PTPRN2: variants seen among roughly 807,000 people sequenced by gnomAD.
The protein encoded by PTPRN2 is protein tyrosine phosphatase receptor type N2.
A neutral mutation model predicts 118.8 loss-of-function variants in PTPRN2; 74 were observed. The observed-to-expected ratio is 0.62, with a 90% CI of 0.52 to 0.76. PTPRN2 has a LOEUF of 0.76. PTPRN2 is among the 30% of genes least tolerant of loss of function. The pLI, the probability that PTPRN2 is intolerant of heterozygous loss-of-function variation, is 0.00. For synonymous variants in PTPRN2, 641 were observed against 608.0 expected (o/e 1.05, Z -0.80); for missense variants, 1,481 against 1,394.4 (o/e 1.06, Z -0.99).
chr7:157,622,324 C>T lies in PTPRN2; in HGVS notation c.2197-815G>A, dbSNP rs547673546. Among the ~76,000 whole-genome samples, 20 of 152,008 alleles carry T rather than the reference C, an allele frequency of 1.3e-4. No homozygotes were observed. Among genetic ancestry groups the T allele is most frequent in the African/African-American group, 3.6e-4 (15 of 41,468 alleles). The stretch of plus-strand genomic sequence containing the variant: ...GACACAGGTTCCAAGTGTGTCCACA[C>T]GAGAAAATAAAGCATGCATGTGTAC... On this transcript the variant is annotated intron_variant, in intron 14 of 22. Coordinates refer to ENST00000389418, the MANE Select transcript of PTPRN2 (RefSeq NM_002847.5). The surrounding 1 kb of genome is among the most constrained non-coding windows in gnomAD (Gnocchi z 5.3).
intron 1 of PTPRN2, among the ~76,000 whole-genome samples, chr7:158,552,349 G>A (rs899713561): frequency 2.0e-5 from 3 of 152,252 alleles, no homozygotes; most frequent in Non-Finnish European, 4.4e-5. Flanking sequence ...CATTTGGGGG[G>A]CCCCAGCTCC....
intron 1 of PTPRN2, among the ~76,000 whole-genome samples, chr7:158,543,512 A>G (rs1826117412): frequency 6.6e-6 from 1 of 152,230 alleles, no homozygotes; most frequent in Non-Finnish European, 1.5e-5. Flanking sequence ...ATGTAATTCA[A>G]AAACAGCATT....
chr7:158,057,463 G>A (rs1329027302), intron 11 of PTPRN2, among the ~76,000 whole-genome samples: 4 of 152,150 alleles, frequency 2.6e-5, no homozygotes, highest in East Asian at 1.9e-4. Flanking sequence ...GTCACAGACC[G>A]AGCAGGTACA....
chr7:158,260,259 C>G (rs997438010), intron 3 of PTPRN2, among the ~76,000 whole-genome samples: 1 of 152,206 alleles, frequency 6.6e-6, no homozygotes, highest in Non-Finnish European at 1.5e-5. Context: ...GGCCAGGATG[C>G]CGCCCTAGGC....
intron 1 of PTPRN2, among the ~76,000 whole-genome samples, chr7:158,568,771 C>T (rs978072666): frequency 6.6e-6 from 1 of 151,540 alleles, no homozygotes; most frequent in Non-Finnish European, 1.5e-5. Context: ...ATGTGTGTAA[C>T]TAAAAATGTT....
intron 11 of PTPRN2, among the ~76,000 whole-genome samples, chr7:157,914,853 T>A (rs1798307837): frequency 6.6e-6 from 1 of 152,196 alleles, no homozygotes; most frequent in Non-Finnish European, 1.5e-5. Context: ...TTCAATTTAT[T>A]TGTCTCTGTG....
At chr7:157,818,584 G>A (rs1176485763) in intron 12 of PTPRN2, among the ~76,000 whole-genome samples, 2 of 152,078 alleles carry the variant, frequency 1.3e-5, no homozygotes, top group Non-Finnish European at 2.9e-5. Context: ...CCACGACACC[G>A]AGGCCCCCAG....
chr7:158,204,981 C>A (rs17847433), intron 4 of PTPRN2, among the ~76,000 whole-genome samples, 190 bp downstream of exon 4: 26,528 of 152,180 alleles, frequency 0.17, 2,544 homozygotes, highest in Non-Finnish European at 0.22. Context: ...ACTGGAGGGT[C>A]ACCCCAATAT....
At chr7:158,070,902 GTGGAGGTGCCCATGGTGC>G (rs1811321985) in intron 11 of PTPRN2, among the ~76,000 whole-genome samples, 1 of 135,708 alleles carries the variant, frequency 7.4e-6, no homozygotes, top group East Asian at 2.2e-4. Flanking sequence ...GCCCATGGTA[GTGGAGGTGCCCATGGTGC>G]TGGAGGTGCT....
chr7:158,198,472 G>C (rs1218764993), intron 4 of PTPRN2, among the ~76,000 whole-genome samples: 1 of 152,220 alleles, frequency 6.6e-6, no homozygotes, highest in Non-Finnish European at 1.5e-5. Context: ...TTGTCACCCA[G>C]TTTGTTAAAG....
intron 2 of PTPRN2, among the ~76,000 whole-genome samples, chr7:158,457,763 A>C (rs2464334): frequency 0.04 from 3,204 of 80,940 alleles, 6 homozygotes; most frequent in East Asian, 0.063. Flanking sequence ...GCCTGCGGGA[A>C]CACAGCGGAT....
intron 9 of PTPRN2, among the ~76,000 whole-genome samples, chr7:158,131,831 T>C (rs1035989410): frequency 7.0e-6 from 1 of 142,288 alleles, no homozygotes; most frequent in Non-Finnish European, 1.5e-5. Flanking sequence ...AATACACACA[T>C]CTACCCAACA....
intron 12 of PTPRN2, among the ~76,000 whole-genome samples, chr7:157,688,901 A>C (rs922788040): frequency 9.2e-5 from 14 of 151,500 alleles, no homozygotes; most frequent in African/African-American, 3.2e-4. Context: ...ATCAGGCCCC[A>C]GCGCCGGACA....
In PTPRN2 at chr7:157,736,187, C is replaced by T. The variant is rs556367330; in HGVS notation, c.1789-53250G>A. Among the ~76,000 whole-genome samples, 3 of 152,336 alleles carry T rather than the reference C, an allele frequency of 2.0e-5. No individual in the cohort carries two copies. In the South Asian group the frequency reaches 6.2e-4, roughly 32 times the overall value. On this transcript the variant is annotated intron_variant, in intron 12 of 22. Transcript: ENST00000389418. Reference sequence around the variant, plus strand: ...CCGAGAACCTTCCCTTTCCCACCACCATTCAAAGGAGGCTGCTCTTAGCCA... The same window carrying T: ...CCGAGAACCTTCCCTTTCCCACCACTATTCAAAGGAGGCTGCTCTTAGCCA...
intron 5 of PTPRN2, among the ~76,000 whole-genome samples, chr7:158,184,561 C>T (rs1318323437): frequency 6.6e-6 from 1 of 152,144 alleles, no homozygotes; most frequent in Non-Finnish European, 1.5e-5. Flanking sequence ...ATTGCACTGG[C>T]TAAGATCTTC....
chr7:157,571,398 G>C (rs537031966), intron 20 of PTPRN2, 42 bp downstream of exon 20: 3 of 1,484,586 alleles, frequency 2.0e-6, no homozygotes, highest in Non-Finnish European at 2.8e-6. Context: ...ATTAGTTTTT[G>C]AGGTAGCCAA....
At chr7:158,338,607 C>A (rs1237106647) in intron 2 of PTPRN2, among the ~76,000 whole-genome samples, 6 of 78,462 alleles carry the variant, frequency 7.6e-5, no homozygotes, top group South Asian at 4.8e-4. Flanking sequence ...GAGCTGAGGC[C>A]CACAGAGGAC....
At chr7:157,846,282 T>TA (rs368428527) in intron 12 of PTPRN2, among the ~76,000 whole-genome samples, 23 of 150,876 alleles carry the variant, frequency 1.5e-4, no homozygotes, top group African/African-American at 5.4e-4. Context: ...ATTAAAGAGG[T>TA]AAAAAAACCC....
chr7:157,823,146 T>TATCC (rs943859750), intron 12 of PTPRN2, among the ~76,000 whole-genome samples: 16 of 151,630 alleles, frequency 1.1e-4, no homozygotes, highest in East Asian at 1.9e-4. Context: ...TGGAAGCATA[T>TATCC]ATCCATCCAT....
Sources: gnomAD v4.1 joint callset for allele counts (sites outside exome capture counted in the v4.1 genomes callset) on GRCh38, gnomAD v4.1.1 for gene constraint, Gnocchi (gnomAD v3.1) non-coding constraint, MANE v1.5 for transcripts, NCBI Gene and HGNC (gene_info 2026-07-23, HGNC 2026-07-21) for gene names.